KCNH5: variants seen among roughly 807,000 people sequenced by gnomAD.
KCNH5 encodes the protein voltage-gated delayed rectifier potassium channel KCNH5.
Under a neutral mutation model 96.1 loss-of-function variants are expected in KCNH5, and 46 were observed. The observed-to-expected ratio is 0.48, with a 90% CI of 0.38 to 0.61. The LOEUF (loss-of-function observed/expected upper bound fraction) is 0.61. Ranked by LOEUF, KCNH5 falls within the 20% of genes least tolerant of loss-of-function variation. The pLI, the probability that KCNH5 is intolerant of heterozygous loss-of-function variation, is 0.00. For synonymous variants in KCNH5, 439 were observed against 449.8 expected, an observed-to-expected ratio of 0.98 and a Z score of 0.30; for missense variants, 907 against 1,225.8, an observed-to-expected ratio of 0.74 and a Z score of 3.88.
At chr14:62,890,433 C>T (rs1336179910) in intron 7 of KCNH5, among the ~76,000 whole-genome samples, 1 of 152,078 alleles carries the variant, frequency 6.6e-6, no homozygotes, top group African/African-American at 2.4e-5. Flanking sequence ...CGGTGGCTCA[C>T]GCCTGTAATC....
intron 10 of KCNH5, among the ~76,000 whole-genome samples, chr14:62,731,995 T>C (rs1373673044): frequency 2.0e-5 from 3 of 152,198 alleles, no homozygotes; most frequent in East Asian, 3.9e-4. Flanking sequence ...TAGCCATCAA[T>C]AGGGCTTCCC....
intron 10 of KCNH5, among the ~76,000 whole-genome samples, chr14:62,764,878 A>G (rs1252786902): frequency 2.6e-5 from 4 of 152,204 alleles, no homozygotes; most frequent in African/African-American, 9.6e-5. Flanking sequence ...GAAATGATAC[A>G]AACAAATGGA....
intron 1 of KCNH5, among the ~76,000 whole-genome samples, chr14:63,037,566 C>T (rs1891745817): frequency 3.3e-5 from 5 of 152,062 alleles, no homozygotes; most frequent in Admixed American, 3.3e-4. Flanking sequence ...AAAATAAAAT[C>T]ATTGTGCTTT....
At chr14:62,948,626 A>G (rs1889938987) in intron 7 of KCNH5, among the ~76,000 whole-genome samples, 1 of 151,388 alleles carries the variant, frequency 6.6e-6, no homozygotes, top group Admixed American at 6.6e-5. Context: ...TCCAATCAAT[A>G]GAAAAAGAGG....
At position 62,987,065 on chromosome 14, in the gene KCNH5, T is replaced by C; in HGVS notation, c.549+7A>G. ...ATCTTGGGAAGCAAAATTCATCTCA[T>C]ACTTACTTCAGCTAGTCTTGAATGT... On this transcript the variant is annotated splice_region_variant and intron_variant, in intron 5 of 10. Transcript: ENST00000322893. 6.3e-7 allele frequency: 1 copy of C among 1,595,990 alleles called. No individual in the cohort carries two copies. The highest frequency in any genetic ancestry group is 8.6e-7 in the Non-Finnish European group (1 of 1,163,746).
chr14:63,041,765 C>T (rs1372725168), intron 1 of KCNH5, among the ~76,000 whole-genome samples: 1 of 152,010 alleles, frequency 6.6e-6, no homozygotes, highest in East Asian at 1.9e-4. Context: ...TCACCAGTAA[C>T]AACTTGCAAT....
At chr14:62,809,257 T>C (rs565721328) in intron 8 of KCNH5, among the ~76,000 whole-genome samples, 21 of 152,266 alleles carry the variant, frequency 1.4e-4, no homozygotes, top group Admixed American at 4.6e-4. Context: ...TATGGCAATA[T>C]AGTTATTTGC....
rs1259321241 is a variant in KCNH5 at position 62,705,491 on chromosome 14, C to G, written c.*2017G>C. 1 of 151,948 alleles carries G rather than the reference C, an allele frequency of 6.6e-6. No individual in the cohort carries two copies. The highest frequency in any genetic ancestry group is 2.4e-5 in the African/African-American group (1 of 41,398). The allele number at this position is 151,948 out of a possible 1,614,324, so 9.4% of individuals were successfully genotyped here. A position where few individuals can be genotyped will look rare whatever the true frequency, so the allele number is the denominator to read the frequency against. Reference sequence around the variant, plus strand: ...CCAATTTCAAGGCTGATTCTTTACTCCATAATTATTTCATTTTCTTGTGTT... The same window carrying G: ...CCAATTTCAAGGCTGATTCTTTACTGCATAATTATTTCATTTTCTTGTGTT... On this transcript the variant is annotated 3_prime_UTR_variant, in exon 11 of 11. Coordinates refer to ENST00000322893, the MANE Select transcript of KCNH5 (RefSeq NM_139318.5).
intron 7 of KCNH5, among the ~76,000 whole-genome samples, chr14:62,945,767 G>A (rs142304663): frequency 2.4e-4 from 37 of 152,174 alleles, no homozygotes; most frequent in African/African-American, 8.4e-4. Flanking sequence ...CAGGAGAGGA[G>A]TGTTATAAGC....
intron 9 of KCNH5, among the ~76,000 whole-genome samples, chr14:62,793,575 G>A (rs1480568051): frequency 6.6e-6 from 1 of 151,616 alleles, no homozygotes; most frequent in Non-Finnish European, 1.5e-5. Flanking sequence ...CAAAGCACAG[G>A]TTTTCTTTTT....
chr14:62,987,573 C>T (rs890697297), intron 4 of KCNH5, among the ~76,000 whole-genome samples: 1 of 152,192 alleles, frequency 6.6e-6, no homozygotes, highest in Non-Finnish European at 1.5e-5. Context: ...CTGGTTCTCA[C>T]CAATGGAATG....
At chr14:62,871,798 G>C (rs923341218) in intron 7 of KCNH5, among the ~76,000 whole-genome samples, 4 of 152,132 alleles carry the variant, frequency 2.6e-5, no homozygotes, top group African/African-American at 7.2e-5. Context: ...AAGCAGTGTG[G>C]TAGGCAAGGA....
In KCNH5 at chr14:62,853,458, T is replaced by TATATATATATATATATATATC. The variant is rs1555360133; in HGVS notation, c.1370-3607_1370-3606insGATATATATATATATATATAT. 5.8e-3 allele frequency among the ~76,000 whole-genome samples: 255 copies of TATATATATATATATATATATC among 43,956 alleles called. 9 individuals carry two copies. The highest frequency in any genetic ancestry group is 0.022 in the South Asian group (25 of 1,152). The allele number at this position is 43,956 out of a possible 152,430, so 28.8% of individuals were successfully genotyped here. On this transcript the variant is annotated intron_variant, in intron 7 of 10. Transcript: ENST00000322893. ...ATTTCCCAAACAAAAAGAATAATCATATATATATATATATATATATATCAT... is the reference window on the plus strand; with the variant it reads ...ATTTCCCAAACAAAAAGAATAATCATATATATATATATATATATATCATATATATATATATATATATATCAT...
At chr14:62,716,945 A>G (rs1006530813) in intron 10 of KCNH5, among the ~76,000 whole-genome samples, 1 of 152,220 alleles carries the variant, frequency 6.6e-6, no homozygotes, top group Non-Finnish European at 1.5e-5. Flanking sequence ...GGAGTTCAGC[A>G]AGGATGCAGT....
chr14:62,792,498 A>G (rs1192600389), intron 9 of KCNH5, among the ~76,000 whole-genome samples: 1 of 151,632 alleles, frequency 6.6e-6, no homozygotes, highest in Non-Finnish European at 1.5e-5. Context: ...GATTGCATAT[A>G]AAAATCCAAA....
chr14:63,037,346 C>T (rs950605554), intron 1 of KCNH5, among the ~76,000 whole-genome samples: 2 of 152,090 alleles, frequency 1.3e-5, no homozygotes, highest in Admixed American at 1.3e-4. Context: ...TTGTTTTTGT[C>T]ACTGTGTTCA....
At chr14:62,838,461 T>C (rs1887509247) in intron 8 of KCNH5, among the ~76,000 whole-genome samples, 1 of 152,176 alleles carries the variant, frequency 6.6e-6, no homozygotes, top group Non-Finnish European at 1.5e-5. Context: ...AACCTGAACT[T>C]GTTTTCAGAT....
rs1885121329 is a variant in KCNH5, at chr14:62,734,710, A to G, written c.2020-26255T>C. Among the ~76,000 whole-genome samples the G allele has an allele frequency of 2.0e-5, 3 of 152,156 alleles. No homozygotes were observed. In the South Asian group the frequency reaches 6.2e-4, roughly 32 times the overall value. ...AAATTTTATATTGAAATTACCTATTAGCATCTCTCTCCTCCTCACCAAACT... is the reference window on the plus strand; with the variant it reads ...AAATTTTATATTGAAATTACCTATTGGCATCTCTCTCCTCCTCACCAAACT... On this transcript the variant is annotated intron_variant, in intron 10 of 10. Coordinates refer to ENST00000322893, the MANE Select transcript of KCNH5 (RefSeq NM_139318.5).
rs75318987 is a variant in KCNH5 at position 62,769,201 on chromosome 14, C to T, written c.2019+10527G>A. 3.2e-4 allele frequency among the ~76,000 whole-genome samples: 49 copies of T among 152,370 alleles called. 2 individuals carry two copies. In the East Asian group the frequency reaches 6.9e-3, roughly 22 times the overall value. ...TTACAGTGTTGATTTCAAGCTCAAA[C>T]GCCATCACGCCTGTGGCGTGTAAAC... On this transcript the variant is annotated intron_variant, in intron 10 of 10. Coordinates refer to ENST00000322893, the MANE Select transcript of KCNH5 (RefSeq NM_139318.5).
Sources: gnomAD v4.1 joint callset for allele counts (sites outside exome capture counted in the v4.1 genomes callset) on GRCh38, gnomAD v4.1.1 for gene constraint, MANE v1.5 for transcripts, NCBI Gene and HGNC (gene_info 2026-07-23, HGNC 2026-07-21) for gene names.